The following PEPD variants were observed in gnomAD, a reference collection of about 807,000 sequenced individuals.
PEPD encodes the protein xaa-Pro dipeptidase.
PEPD carries 53 observed loss-of-function variants against 60.7 expected under a neutral mutation model. The ratio of observed to expected loss-of-function variants is 0.87; its 90% CI spans 0.70 to 1.10. The LOEUF is 1.10. Among genes scored for constraint, PEPD ranks in the 50% least tolerant of loss-of-function variants. The pLI, the probability that PEPD is intolerant of heterozygous loss-of-function variation, is 0.00. For synonymous variants in PEPD, 267 were observed against 284.1 expected, an observed-to-expected ratio of 0.94 and a Z score of 0.60; for missense variants, 711 against 711.9, an observed-to-expected ratio of 1.00 and a Z score of 0.01.
intron 14 of PEPD, 114 bp from the exon 15 acceptor site, chr19:33,387,595 T>C: frequency 7.2e-7 from 1 of 1,388,644 alleles, no homozygotes; most frequent in Admixed American, 1.7e-5. Flanking sequence ...TGACACTCCC[T>C]GGGAGACGGG....
At chr19:33,483,631 G>A (rs1026171588) in intron 6 of PEPD, among the ~76,000 whole-genome samples, 6 of 152,052 alleles carry the variant, frequency 3.9e-5, no homozygotes, top group African/African-American at 1.4e-4. Flanking sequence ...GCAATGTGGC[G>A]AGACTTTGTC....
At chr19:33,515,820 G>T (rs912104349) in intron 1 of PEPD, among the ~76,000 whole-genome samples, 1 of 152,080 alleles carries the variant, frequency 6.6e-6, no homozygotes, top group African/African-American at 2.4e-5. Flanking sequence ...CATAACAGGT[G>T]CTGGCTCCCC....
At chr19:33,424,750 C>T (rs1600104829) in intron 9 of PEPD, among the ~76,000 whole-genome samples, 2 of 152,248 alleles carry the variant, frequency 1.3e-5, no homozygotes, top group Middle Eastern at 6.8e-3. Context: ...AATGGACTCA[C>T]AGTTCCATGT....
Position 33,401,839 on chromosome 19 carries a change from G to C in PEPD, c.849C>G (p.Cys283Trp). ...CLFDMGGEYYCFASDITCSFP... is the reference protein window; with the variant it reads ...CLFDMGGEYYWFASDITCSFP... ...AGGAGCAGGTGATGTCGGAAGCGAA[G>C]CAGTAATACTCACCGCCCATGTCGA... The change falls in exon 12 of 15, where the codon TGC becomes TGG. Residue 283 changes from cysteine to tryptophan, a missense_variant. Physicochemically the swap from Cys to Trp is radical, Grantham distance 215. Transcript: ENST00000244137. The C allele has an allele frequency of 6.2e-7, 1 of 1,613,302 alleles. No individual in the cohort carries two copies. The highest frequency in any genetic ancestry group is 8.5e-7 in the Non-Finnish European group (1 of 1,179,968).
At chr19:33,429,730 G>C (rs1430690434) in intron 9 of PEPD, among the ~76,000 whole-genome samples, 1 of 152,092 alleles carries the variant, frequency 6.6e-6, no homozygotes, top group Non-Finnish European at 1.5e-5. Flanking sequence ...CATCAAATTG[G>C]GAAAAATATT....
At chr19:33,452,662 A>AT (rs1220854750) in intron 9 of PEPD, among the ~76,000 whole-genome samples, 2 of 152,328 alleles carry the variant, frequency 1.3e-5, no homozygotes, top group East Asian at 3.9e-4. Context: ...TATGAGAATA[A>AT]AATTGGTTAC....
chr19:33,474,266 G>A (rs997805548), intron 7 of PEPD, among the ~76,000 whole-genome samples: 3 of 152,254 alleles, frequency 2.0e-5, no homozygotes, highest in African/African-American at 7.2e-5. Context: ...CAGTGCAAGA[G>A]CCTGGGATCA....
At chr19:33,466,791 TA>T (rs568395610) in intron 7 of PEPD, among the ~76,000 whole-genome samples, 1 of 151,670 alleles carries the variant, frequency 6.6e-6, no homozygotes, top group Non-Finnish European at 1.5e-5. Flanking sequence ...TTTTTTCTAA[TA>T]AAAAAACCAT....
intron 6 of PEPD, among the ~76,000 whole-genome samples, chr19:33,489,638 A>T (rs1003262219): frequency 1.3e-5 from 2 of 151,842 alleles, no homozygotes; most frequent in Non-Finnish European, 2.9e-5. Context: ...CAAAAAAAAT[A>T]AAAAAATAAA....
At position 33,463,992 on chromosome 19, in the gene PEPD, G is replaced by A. The variant is rs555350937; in HGVS notation, c.619C>T (p.Arg207Cys). Residue 207 changes from arginine to cysteine, a missense_variant, in exon 8 of 15, where the codon CGT becomes TGT. Arg to Cys is a radical substitution (Grantham distance 180). Transcript: ENST00000244137. ...YTNKISSEAH[R>C]EVMKAVKVGM... ...AGAGCCGGTGCCTGACTTACCTCAC[G>A]GTGGGCCTCGCTGGAGATTTTATTG... 12 of 1,607,990 alleles carry A rather than the reference G, an allele frequency of 7.5e-6. No individual in the cohort carries two copies. Among genetic ancestry groups the A allele is most frequent in the African/African-American group, 2.7e-5 (2 of 74,932 alleles).
intron 12 of PEPD, among the ~76,000 whole-genome samples, chr19:33,394,219 G>A (rs958626889): frequency 3.9e-5 from 6 of 152,212 alleles, no homozygotes; most frequent in Admixed American, 2.0e-4. Flanking sequence ...TCTCGGACGC[G>A]CCCTTCTCTG....
At chr19:33,405,500 TG>T (rs1348317160) in intron 11 of PEPD, among the ~76,000 whole-genome samples, 1 of 152,228 alleles carries the variant, frequency 6.6e-6, no homozygotes, top group Non-Finnish European at 1.5e-5. Context: ...CAGGCCAGGC[TG>T]GGGGATTGCT....
intron 9 of PEPD, among the ~76,000 whole-genome samples, chr19:33,461,860 G>A (rs1969931935): frequency 6.6e-6 from 1 of 152,240 alleles, no homozygotes; most frequent in Non-Finnish European, 1.5e-5. Flanking sequence ...CTGGGCTTCT[G>A]ATTAACGTGT....
chr19:33,419,978 A>G (rs1161450255), intron 9 of PEPD, among the ~76,000 whole-genome samples: 1 of 152,250 alleles, frequency 6.6e-6, no homozygotes, highest in Non-Finnish European at 1.5e-5. Context: ...AGACAGGAGC[A>G]GCTCACTCTC....
intron 9 of PEPD, among the ~76,000 whole-genome samples, chr19:33,445,501 A>G (rs749663499): frequency 1.8e-4 from 27 of 152,204 alleles, no homozygotes; most frequent in Non-Finnish European, 3.4e-4. Flanking sequence ...CATATGAGAG[A>G]GACCCCAGGG....
chr19:33,442,542 T>TACA lies in PEPD; in HGVS notation c.671+20452_671+20453insTGT, dbSNP rs199808014. ...AGTGAAAACCCATCTCTACTAAAAA[T>TACA]AAAATAAAAAAAAAAAATTAGCCGG... is the stretch of plus-strand genomic sequence containing the variant. On this transcript the variant is annotated intron_variant, in intron 9 of 14. Transcript: ENST00000244137. 4.1e-5 allele frequency among the ~76,000 whole-genome samples: 4 copies of TACA among 97,186 alleles called. No individual in the cohort carries two copies. In the South Asian group the frequency reaches 8.2e-4, roughly 20 times the overall value. 63.8% of individuals were successfully genotyped at this position (97,186 alleles called of 152,430 possible).
chr19:33,436,364 A>AGG (rs1450347136), intron 9 of PEPD, among the ~76,000 whole-genome samples: 1 of 152,156 alleles, frequency 6.6e-6, no homozygotes, highest in Non-Finnish European at 1.5e-5. Flanking sequence ...CCTAAGAGGC[A>AGG]GGCGGGAGCC....
chr19:33,416,623 T>G (rs1239937429), intron 9 of PEPD, among the ~76,000 whole-genome samples: 2 of 152,158 alleles, frequency 1.3e-5, no homozygotes, highest in African/African-American at 4.8e-5. Flanking sequence ...GGGAGGGGCT[T>G]CCTGATTGGC....
intron 9 of PEPD, among the ~76,000 whole-genome samples, chr19:33,424,021 C>T (rs904666613): frequency 3.3e-5 from 5 of 152,226 alleles, no homozygotes; most frequent in South Asian, 2.1e-4. Context: ...GCCCCTTGTG[C>T]GCTGGCTTGG....
Sources: allele counts gnomAD v4.1 joint callset (sites outside exome capture counted in the v4.1 genomes callset), GRCh38; gene constraint gnomAD v4.1.1; transcripts MANE v1.5; gene names NCBI Gene and HGNC (gene_info 2026-07-23, HGNC 2026-07-21).